The following IQGAP2 variants were observed in gnomAD, a reference collection of about 807,000 sequenced individuals.
The protein encoded by IQGAP2 is IQ motif containing GTPase activating protein 2.
IQGAP2 carries 173 observed loss-of-function variants against 201.3 expected under a neutral mutation model. The observed-to-expected ratio is 0.86, with a 90% CI of 0.76 to 0.98. The LOEUF (loss-of-function observed/expected upper bound fraction) is 0.98. IQGAP2 is among the 50% of genes least tolerant of loss of function. IQGAP2 has a pLI of 0.00. For missense variants in IQGAP2, 1,687 were observed against 1,864.8 expected, an observed-to-expected ratio of 0.90 and a Z score of 1.76; for synonymous variants, 675 against 673.9, an observed-to-expected ratio of 1.00 and a Z score of -0.03.
At chr5:76,508,967 A>G (rs932656043) in intron 2 of IQGAP2, among the ~76,000 whole-genome samples, 1 of 151,940 alleles carries the variant, frequency 6.6e-6, no homozygotes, top group Admixed American at 6.6e-5. Context: ...TGTACCATGT[A>G]CCATGCTGAT....
At chr5:76,658,934 A>C (rs559885433) in intron 21 of IQGAP2, among the ~76,000 whole-genome samples, 1 of 152,188 alleles carries the variant, frequency 6.6e-6, no homozygotes, top group Non-Finnish European at 1.5e-5. Context: ...TTGTAACACA[A>C]TTGTAAGTAT....
At chr5:76,443,291 AG>A (rs1753157729) in intron 1 of IQGAP2, among the ~76,000 whole-genome samples, 1 of 152,108 alleles carries the variant, frequency 6.6e-6, no homozygotes, top group African/African-American at 2.4e-5. Context: ...TGGAAGCAAA[AG>A]TTATGGTAGA....
chr5:76,678,083 C>T (rs1744983037), intron 28 of IQGAP2, among the ~76,000 whole-genome samples: 1 of 152,174 alleles, frequency 6.6e-6, no homozygotes. Context: ...ACCCTCTCAG[C>T]TTTTCCAGTA....
At chr5:76,519,256 T>G (rs1334106398) in intron 2 of IQGAP2, among the ~76,000 whole-genome samples, 5 of 152,238 alleles carry the variant, frequency 3.3e-5, no homozygotes, top group African/African-American at 1.2e-4. Flanking sequence ...CCTTGGCAAC[T>G]ACTGATCTAT....
At chr5:76,449,340 C>T (rs1358096001) in intron 1 of IQGAP2, among the ~76,000 whole-genome samples, 4 of 152,178 alleles carry the variant, frequency 2.6e-5, no homozygotes, top group South Asian at 2.1e-4. Context: ...TTCCCTCCCT[C>T]GGCTTTTCTA....
intron 2 of IQGAP2, among the ~76,000 whole-genome samples, chr5:76,491,975 C>G (rs1267261955): frequency 6.6e-6 from 1 of 152,196 alleles, no homozygotes; most frequent in Non-Finnish European, 1.5e-5. Context: ...CTGGAACACC[C>G]AGTCCACCTT....
At chr5:76,550,346 A>T (rs1010413169) in intron 2 of IQGAP2, among the ~76,000 whole-genome samples, 3 of 135,250 alleles carry the variant, frequency 2.2e-5, no homozygotes, top group Non-Finnish European at 3.1e-5. Flanking sequence ...GGCTGGCAGA[A>T]TTTTTTTTTT....
At chr5:76,610,527 C>T (rs182672510) in intron 12 of IQGAP2, among the ~76,000 whole-genome samples, 29 of 150,608 alleles carry the variant, frequency 1.9e-4, no homozygotes, top group Middle Eastern at 3.4e-3. Context: ...AAGATCATGC[C>T]ACAGCACTCC....
intron 16 of IQGAP2, among the ~76,000 whole-genome samples, chr5:76,640,513 A>G (rs1477071238): frequency 6.6e-6 from 1 of 152,212 alleles, no homozygotes; most frequent in Non-Finnish European, 1.5e-5. Flanking sequence ...GGCCTGGGGA[A>G]GAAATGGGAA....
chr5:76,658,621 T>C lies in IQGAP2; in HGVS notation c.2483T>C (p.Met828Thr), dbSNP rs1320958206. The C allele has an allele frequency of 6.2e-7, 1 of 1,614,012 alleles. No individual in the cohort carries two copies. Among genetic ancestry groups the C allele is most frequent in the East Asian group, 2.2e-5 (1 of 44,874 alleles). Residue 828 changes from methionine to threonine, a missense_variant, in exon 21 of 36, where the codon ATG (methionine) becomes ACG (threonine). Physicochemically the swap from Met to Thr is moderately conservative, Grantham distance 81. Transcript: ENST00000274364. ...CAGCTGGAAAAAGACCTGAACCTGA[T>C]GGACATCAAGATTGGACTGCTGGTG... is the stretch of plus-strand genomic sequence containing the variant. The part of the protein sequence containing the change: ...NQQLEKDLNL[M>T]DIKIGLLVKN...
chr5:76,501,862 C>T (rs894668829), intron 2 of IQGAP2, among the ~76,000 whole-genome samples: 3 of 151,806 alleles, frequency 2.0e-5, no homozygotes, highest in African/African-American at 2.4e-5. Context: ...CGGGTGGTCT[C>T]GAACTCCTGA....
intron 1 of IQGAP2, among the ~76,000 whole-genome samples, chr5:76,451,420 T>G (rs1260919475): frequency 6.6e-6 from 1 of 152,136 alleles, no homozygotes; most frequent in Non-Finnish European, 1.5e-5. Context: ...TTCATTCTCT[T>G]TCACTCACCT....
intron 32 of IQGAP2, among the ~76,000 whole-genome samples, chr5:76,695,976 G>A (rs553500664): frequency 6.6e-6 from 1 of 151,646 alleles, no homozygotes. Context: ...GAGTAGCTGG[G>A]ACTACAGGCA....
chr5:76,433,833 C>T (rs1342576441), intron 1 of IQGAP2, among the ~76,000 whole-genome samples: 3 of 152,134 alleles, frequency 2.0e-5, no homozygotes, highest in Admixed American at 1.3e-4. Flanking sequence ...CAGTGTTTTC[C>T]TATTTGTCAC....
intron 1 of IQGAP2, among the ~76,000 whole-genome samples, chr5:76,443,129 G>A (rs970242154): frequency 3.3e-5 from 5 of 152,206 alleles, no homozygotes; most frequent in Admixed American, 2.0e-4. Flanking sequence ...TTAGGAAGGG[G>A]CTGGACAGTG....
chr5:76,563,730 G>A (rs536366370), intron 3 of IQGAP2, among the ~76,000 whole-genome samples: 1 of 151,974 alleles, frequency 6.6e-6, no homozygotes, highest in Admixed American at 6.5e-5. Flanking sequence ...AATGCATTCA[G>A]TTCTTTATAT....
intron 27 of IQGAP2, among the ~76,000 whole-genome samples, chr5:76,674,982 G>C (rs1744677891): frequency 1.3e-5 from 2 of 152,138 alleles, no homozygotes; most frequent in Admixed American, 6.5e-5. Flanking sequence ...TGGCATACTT[G>C]TTCTTCCTTG....
At chr5:76,694,653 T>C in intron 31 of IQGAP2, among the ~76,000 whole-genome samples, 1 of 152,256 alleles carries the variant, frequency 6.6e-6, no homozygotes, top group South Asian at 2.1e-4. Flanking sequence ...TGTTGGCTGC[T>C]GCTTTTGTTA....
intron 13 of IQGAP2, among the ~76,000 whole-genome samples, chr5:76,615,280 A>T (rs1432066452): frequency 6.6e-6 from 1 of 152,180 alleles, no homozygotes; most frequent in Non-Finnish European, 1.5e-5. Flanking sequence ...GTTGTAATTG[A>T]TGACTTAGTT....
Sources: gnomAD v4.1 joint callset for allele counts (sites outside exome capture counted in the v4.1 genomes callset) on GRCh38, gnomAD v4.1.1 for gene constraint, MANE v1.5 for transcripts, NCBI Gene and HGNC (gene_info 2026-07-23, HGNC 2026-07-21) for gene names.